P2RX5: variants seen among roughly 807,000 people sequenced by gnomAD.
P2RX5 encodes P2X purinoceptor 5.
In P2RX5, 46 loss-of-function variants were observed where a neutral mutation model predicts 54.1. That is an observed-to-expected ratio of 0.85 (90% CI 0.67 to 1.09). The LOEUF (loss-of-function observed/expected upper bound fraction) is 1.09, where lower values mean the gene tolerates loss of function less well. Ranked by LOEUF, P2RX5 falls within the 50% of genes least tolerant of loss-of-function variation. P2RX5 has a pLI of 0.00. For missense variants in P2RX5, 566 were observed against 549.8 expected (o/e 1.03, Z -0.29); for synonymous variants, 226 against 226.4 (o/e 1.00, Z 0.02).
chr17:3,719,191 G>A, the P2RX5 span, among the ~76,000 whole-genome samples: 1 of 136,018 alleles, frequency 7.4e-6, no homozygotes, highest in Non-Finnish European at 1.5e-5. Flanking sequence ...AGCCGAGATG[G>A]CACCAACGGA....
At chr17:3,675,831 G>C (rs1015707554) in intron 11 of P2RX5, 2 of 981,854 alleles carry the variant, frequency 2.0e-6, no homozygotes, top group African/African-American at 3.5e-5. Context: ...GATTACAGGT[G>C]TGAGCCACTG....
rs1056675963 is a variant in P2RX5, at chr17:3,683,863, C to A, written c.982-1885G>T. Among the ~76,000 whole-genome samples, 133 of 152,308 alleles carry A rather than the reference C, an allele frequency of 8.7e-4. 1 individual carries two copies. The highest frequency in any genetic ancestry group is 2.9e-3 in the African/African-American group (122 of 41,576). On this transcript the variant is annotated intron_variant, in intron 9 of 11. Coordinates refer to ENST00000225328, the MANE Select transcript of P2RX5 (RefSeq NM_002561.4). ...TCCATGTGGAGCTCACTTTTCTTGA[C>A]CCCCTCCCAGGAACGTGGTCCTGGT...
At chr17:3,677,003 A>G (rs2050119942) in intron 11 of P2RX5, 1 of 798,054 alleles carries the variant, frequency 1.3e-6, no homozygotes, top group African/African-American at 1.9e-5. Flanking sequence ...CGGAGGTTCC[A>G]GTAAGCCAAG....
intron 10 of P2RX5, among the ~76,000 whole-genome samples, chr17:3,680,259 ATCCTCCACCCAGTG>A (rs2050219772): frequency 4.9e-5 from 4 of 81,230 alleles, no homozygotes; most frequent in East Asian, 4.4e-4. Context: ...TCCACCCTGC[ATCCTCCACCCAGTG>A]TCCTCCACCC....
intron 11 of P2RX5, chr17:3,675,486 G>C: frequency 1.0e-6 from 1 of 985,068 alleles, no homozygotes; most frequent in Non-Finnish European, 1.2e-6. Context: ...AAGTCACCAA[G>C]TTATAAAAAT....
At chr17:3,718,441 C>G in the P2RX5 span, 1 of 152,262 alleles carries the variant, frequency 6.6e-6, no homozygotes, top group Non-Finnish European at 1.5e-5. Context: ...AGTACAAGGA[C>G]CAAAGAAGCC....
intron 10 of P2RX5, among the ~76,000 whole-genome samples, chr17:3,680,315 A>AG: frequency 3.5e-5 from 1 of 28,718 alleles, no homozygotes; most frequent in Non-Finnish European, 6.0e-5. Context: ...TCCACCCTGC[A>AG]TCCTCCACCC....
chr17:3,696,136 G>A lies in P2RX5; in HGVS notation c.-131C>T. On this transcript the variant is annotated 5_prime_UTR_variant, in exon 1 of 12. Transcript: ENST00000225328. ...CGCCCGCTCAGCTGCAGCCCGGGGT[G>A]TCCGGCAGGGCTGCGGGGCGCGGGG... is the stretch of plus-strand genomic sequence containing the variant. 1 of 954,116 alleles carries A rather than the reference G, an allele frequency of 1.0e-6. No homozygotes were observed. The highest frequency in any genetic ancestry group is 1.4e-6 in the Non-Finnish European group (1 of 714,038). The allele number at this position is 954,116 out of a possible 1,614,324, so 59.1% of individuals were successfully genotyped here.
chr17:3,676,949 C>T (rs1419926684), intron 11 of P2RX5: 1 of 352,796 alleles, frequency 2.8e-6, no homozygotes, highest in Non-Finnish European at 4.0e-6. Flanking sequence ...GTAATCCCAG[C>T]TACTTAGGAG....
chr17:3,689,471 C>T, intron 7 of P2RX5, 21 bp downstream of exon 7: 1 of 1,613,378 alleles, frequency 6.2e-7, no homozygotes. Context: ...AGGGAGGGCT[C>T]CCTGCGTGCA....
chr17:3,706,412 G>A, the P2RX5 span, among the ~76,000 whole-genome samples: 4 of 152,038 alleles, frequency 2.6e-5, no homozygotes, highest in East Asian at 7.7e-4. Context: ...GATTTCAACA[G>A]ACGTAATTCC....
At chr17:3,675,780 T>C (rs189421639) in intron 11 of P2RX5, 10 of 847,742 alleles carry the variant, frequency 1.2e-5, no homozygotes, top group African/African-American at 9.2e-5. Context: ...CTCGAACTCC[T>C]GACCTCGTGA....
At chr17:3,720,658 T>G in the P2RX5 span, 1 of 287,432 alleles carries the variant, frequency 3.5e-6, no homozygotes, top group Non-Finnish European at 6.6e-6. Context: ...CTCGGCTCAC[T>G]GCAACCTCCA....
intron 11 of P2RX5, among the ~76,000 whole-genome samples, chr17:3,676,870 T>G (rs906211077): frequency 1.7e-4 from 26 of 152,202 alleles, no homozygotes; most frequent in Non-Finnish European, 3.5e-4. Flanking sequence ...GAGACCAGCC[T>G]GGCCAACATG....
At chr17:3,713,086 A>G in the P2RX5 span, among the ~76,000 whole-genome samples, 1 of 152,234 alleles carries the variant, frequency 6.6e-6, no homozygotes, top group Non-Finnish European at 1.5e-5. Flanking sequence ...ATAACAGGTC[A>G]GGCGCAGTGG....
At chr17:3,699,971 A>G (rs2143003124), upstream of P2RX5, among the ~76,000 whole-genome samples, 1 of 138,358 alleles carries the variant, frequency 7.2e-6, no homozygotes, top group East Asian at 2.2e-4. Context: ...AGAAAGAAAG[A>G]AAGAAAATTA....
chr17:3,715,052 A>C, the P2RX5 span: 2 of 648,636 alleles, frequency 3.1e-6, no homozygotes, highest in South Asian at 1.8e-5. Flanking sequence ...TCTGCTTCTC[A>C]TACTTACTAC....
In P2RX5 at chr17:3,676,377, C is replaced by G. The variant is rs1050107804; in HGVS notation, c.1260-2500G>C. Reference sequence around the variant, plus strand: ...CGAGTTTTCGGCAAAATCAGGGAGCCTCCTGCATTAGTAACACTGGCTGCC... The same window carrying G: ...CGAGTTTTCGGCAAAATCAGGGAGCGTCCTGCATTAGTAACACTGGCTGCC... On this transcript the variant is annotated intron_variant, in intron 11 of 11. Coordinates refer to ENST00000225328, the MANE Select transcript of P2RX5 (RefSeq NM_002561.4). 6 of 985,304 alleles carry G rather than the reference C, an allele frequency of 6.1e-6. No individual in the cohort carries two copies. In the African/African-American group the frequency reaches 1.0e-4, roughly 17 times the overall value. 61.0% of individuals were successfully genotyped at this position (985,304 alleles called of 1,614,324 possible).
In P2RX5 at chr17:3,673,619, C is replaced by T. The variant is rs527732964; in HGVS notation, c.*249G>A. ...GTTCCCTAGTGCGGGAAGCCAGCCACGGAGAAAGGAAGAACTGACGGCAGG... is the reference window on the plus strand; with the variant it reads ...GTTCCCTAGTGCGGGAAGCCAGCCATGGAGAAAGGAAGAACTGACGGCAGG... On this transcript the variant is annotated 3_prime_UTR_variant, in exon 12 of 12. Transcript: ENST00000225328. 7 of 1,422,638 alleles carry T rather than the reference C, an allele frequency of 4.9e-6. No individual in the cohort carries two copies. Among genetic ancestry groups the T allele is most frequent in the East Asian group, 5.1e-5 (2 of 38,978 alleles). The allele number at this position is 1,422,638 out of a possible 1,614,324, so 88.1% of individuals were successfully genotyped here.
Sources: allele counts gnomAD v4.1 joint callset (sites outside exome capture counted in the v4.1 genomes callset), GRCh38; gene constraint gnomAD v4.1.1; transcripts MANE v1.5; gene names NCBI Gene and HGNC (gene_info 2026-07-23, HGNC 2026-07-21).